ALCAM: variants seen among roughly 807,000 people sequenced by gnomAD.
The protein encoded by ALCAM is CD166 antigen.
Under a neutral mutation model 70.9 loss-of-function variants are expected in ALCAM, and 30 were observed. That is an observed-to-expected ratio of 0.42 (90% CI 0.32 to 0.57). The LOEUF (loss-of-function observed/expected upper bound fraction) is 0.57, where lower values mean the gene tolerates loss of function less well. Among genes scored for constraint, ALCAM ranks in the 20% least tolerant of loss-of-function variants. The pLI is 0.11. For missense variants in ALCAM, 591 were observed against 695.1 expected, an observed-to-expected ratio of 0.85 and a Z score of 1.68; for synonymous variants, 249 against 242.5, an observed-to-expected ratio of 1.03 and a Z score of -0.25.
intron 1 of ALCAM, among the ~76,000 whole-genome samples, chr3:105,504,169 C>T (rs1453235087): frequency 1.3e-5 from 2 of 152,302 alleles, no homozygotes; most frequent in East Asian, 1.9e-4. Context: ...GGTAGTGGCT[C>T]GCTTCTTCAG....
intron 3 of ALCAM, chr3:105,524,972 CAG>C (rs1427256896): frequency 2.0e-6 from 2 of 982,250 alleles, no homozygotes; most frequent in African/African-American, 3.5e-5. Context: ...TATATTTTAA[CAG>C]AGGTATAAAT....
At chr3:105,534,977 C>A in intron 6 of ALCAM, 132 bp downstream of exon 6, 1 of 770,916 alleles carries the variant, frequency 1.3e-6, no homozygotes, top group Non-Finnish European at 2.0e-6. Flanking sequence ...TTGATGGCAC[C>A]CAAATAATCT....
At chr3:105,442,017 AAAAAATAACC>A (rs1231164031) in intron 1 of ALCAM, among the ~76,000 whole-genome samples, 1 of 152,226 alleles carries the variant, frequency 6.6e-6, no homozygotes, top group African/African-American at 2.4e-5. Context: ...CATTAGTTTT[AAAAAATAACC>A]AAAGGTATTT....
intron 3 of ALCAM, among the ~76,000 whole-genome samples, chr3:105,527,813 C>T (rs907729658): frequency 2.0e-4 from 30 of 151,912 alleles, no homozygotes; most frequent in African/African-American, 4.1e-4. Flanking sequence ...ATTTGGATTC[C>T]TCCCACTTGG....
intron 6 of ALCAM, among the ~76,000 whole-genome samples, chr3:105,539,523 C>A (rs1940063242): frequency 6.6e-6 from 1 of 151,960 alleles, no homozygotes; most frequent in Non-Finnish European, 1.5e-5. Flanking sequence ...GCTCATGTCT[C>A]CTCTTTTTAT....
At chr3:105,450,468 T>C (rs1043191241) in intron 1 of ALCAM, among the ~76,000 whole-genome samples, 11 of 152,300 alleles carry the variant, frequency 7.2e-5, no homozygotes, top group Non-Finnish European at 1.2e-4. Flanking sequence ...CTCAGAGGGA[T>C]TTAATACACT....
intron 1 of ALCAM, among the ~76,000 whole-genome samples, chr3:105,433,094 G>A (rs1258390969): frequency 6.6e-6 from 1 of 152,080 alleles, no homozygotes; most frequent in African/African-American, 2.4e-5. Flanking sequence ...CCTCCTTTCA[G>A]AGACAATGAA....
intron 1 of ALCAM, among the ~76,000 whole-genome samples, chr3:105,409,821 T>C (rs1409255822): frequency 1.3e-5 from 2 of 152,238 alleles, no homozygotes; most frequent in East Asian, 3.9e-4. Context: ...ATCTGTATTT[T>C]CTAATATACT....
chr3:105,391,027 A>G (rs555782178), intron 1 of ALCAM, among the ~76,000 whole-genome samples: 3 of 152,066 alleles, frequency 2.0e-5, no homozygotes, highest in South Asian at 2.1e-4. Flanking sequence ...GTCAAGCAGC[A>G]TGATGCCTCC....
intron 1 of ALCAM, among the ~76,000 whole-genome samples, chr3:105,501,927 A>G (rs536883428): frequency 6.6e-6 from 1 of 152,374 alleles, no homozygotes; most frequent in East Asian, 1.9e-4. Context: ...CTCAAGTTAC[A>G]GTTGAAAACA....
intron 14 of ALCAM, among the ~76,000 whole-genome samples, chr3:105,566,407 T>A (rs574598883): frequency 1.5e-4 from 23 of 152,368 alleles, no homozygotes; most frequent in African/African-American, 5.3e-4. Flanking sequence ...TTGTTATAAC[T>A]TCCTTATATA....
chr3:105,506,859 A>G (rs1287480919), intron 1 of ALCAM, among the ~76,000 whole-genome samples: 1 of 152,336 alleles, frequency 6.6e-6, no homozygotes. Context: ...TCTACTCAAG[A>G]CACTCTTGTT....
chr3:105,576,805 G>T lies in ALCAM; in HGVS notation c.*2354G>T, dbSNP rs930315022. On this transcript the variant is annotated 3_prime_UTR_variant, in exon 16 of 16. Coordinates refer to ENST00000306107, the MANE Select transcript of ALCAM (RefSeq NM_001627.4). Reference sequence around the variant, plus strand: ...AGGAAACAGGTTTTGCAAGTTCAAGGTTCACTCCCTATATGTGATTATAGG... The same window carrying T: ...AGGAAACAGGTTTTGCAAGTTCAAGTTTCACTCCCTATATGTGATTATAGG... 6.6e-6 allele frequency: 1 copy of T among 152,088 alleles called. No homozygotes were observed. The highest frequency in any genetic ancestry group is 1.5e-5 in the Non-Finnish European group (1 of 68,002). The allele number at this position is 152,088 out of a possible 1,614,324, so 9.4% of individuals were successfully genotyped here.
intron 1 of ALCAM, among the ~76,000 whole-genome samples, chr3:105,447,029 T>G (rs921239396): frequency 6.6e-6 from 1 of 152,078 alleles, no homozygotes; most frequent in Non-Finnish European, 1.5e-5. Context: ...CAAAAAAAAA[T>G]GATAAATGTG....
chr3:105,456,261 T>A (rs1025820990), intron 1 of ALCAM, among the ~76,000 whole-genome samples: 1 of 152,230 alleles, frequency 6.6e-6, no homozygotes, highest in African/African-American at 2.4e-5. Context: ...ACAACTGTTT[T>A]CTTCTACCCT....
chr3:105,550,174 C>T lies in ALCAM; in HGVS notation c.1422C>T (p.Ile474=), dbSNP rs1387775631. 1 of 1,600,688 alleles carries T rather than the reference C, an allele frequency of 6.2e-7. No homozygotes were observed. The highest frequency in any genetic ancestry group is 8.6e-7 in the Non-Finnish European group (1 of 1,169,360). The change falls in exon 12 of 16, where the codon ATC becomes ATT. Residue 474 remains isoleucine (I), a synonymous_variant. Coordinates refer to ENST00000306107, the MANE Select transcript of ALCAM (RefSeq NM_001627.4). ...YINGRYYSKI[I]ISPEENVTLT... ...ATGGCAGGTATTATAGTAAAATTAT[C>T]ATTTCCCCTGAAGAGAATGTTACAT...
chr3:105,545,236 C>A lies in ALCAM; in HGVS notation c.1005C>A (p.Ser335=). ...TAITVHYLDL[S]LNPSGEVTRQ... is the part of the protein sequence containing the mutation. ...TCTGCTTCACAGATTTGGATTTGTCCTTAAACCCAAGTGGAGAAGTGACTA... is the reference window on the plus strand; with the variant it reads ...TCTGCTTCACAGATTTGGATTTGTCATTAAACCCAAGTGGAGAAGTGACTA... Residue 335 remains serine (S), a synonymous_variant, in exon 9 of 16, where the codon TCC becomes TCA. Coordinates refer to ENST00000306107, the MANE Select transcript of ALCAM (RefSeq NM_001627.4). 6.2e-7 allele frequency: 1 copy of A among 1,607,028 alleles called. No homozygotes were observed. Among genetic ancestry groups the A allele is most frequent in the Non-Finnish European group, 8.5e-7 (1 of 1,174,614 alleles).
chr3:105,563,638 A>T (rs1576244046), intron 14 of ALCAM, among the ~76,000 whole-genome samples: 1 of 140,112 alleles, frequency 7.1e-6, no homozygotes, highest in South Asian at 2.3e-4. Context: ...AAGTCAAGTG[A>T]CTAGACCTGT....
intron 1 of ALCAM, among the ~76,000 whole-genome samples, chr3:105,459,644 G>A (rs1234912389): frequency 1.3e-5 from 2 of 152,038 alleles, no homozygotes; most frequent in African/African-American, 2.4e-5. Context: ...TATTACTCAT[G>A]TGATACCTAG....
Sources: gnomAD v4.1 joint callset for allele counts (sites outside exome capture counted in the v4.1 genomes callset) on GRCh38, gnomAD v4.1.1 for gene constraint, MANE v1.5 for transcripts, NCBI Gene and HGNC (gene_info 2026-07-23, HGNC 2026-07-21) for gene names.